Variants in PTPRC observed in about 807,000 individuals in gnomAD.
PTPRC encodes protein tyrosine phosphatase receptor type C, also known as receptor-type tyrosine-protein phosphatase C.
Under a neutral mutation model 155.9 loss-of-function variants are expected in PTPRC, and 44 were observed. The ratio of observed to expected loss-of-function variants is 0.28; its 90% CI spans 0.22 to 0.36. The LOEUF (loss-of-function observed/expected upper bound fraction) is 0.36, where lower values mean the gene tolerates loss of function less well. Among genes scored for constraint, PTPRC ranks in the 10% least tolerant of loss-of-function variants. The pLI is 1.00. For synonymous variants in PTPRC, 525 were observed against 533.1 expected, an observed-to-expected ratio of 0.98 and a Z score of 0.21; for missense variants, 1,401 against 1,564.6, an observed-to-expected ratio of 0.90 and a Z score of 1.76.
At position 198,709,833 on chromosome 1, in the gene PTPRC, G is replaced by A; in HGVS notation, c.1171+9G>A. 3 of 1,609,840 alleles carry A rather than the reference G, an allele frequency of 1.9e-6. No homozygotes were observed. Among genetic ancestry groups the A allele is most frequent in the South Asian group, 1.1e-5 (1 of 90,406 alleles). On this transcript the variant is annotated intron_variant, in intron 11 of 32. Coordinates refer to ENST00000442510, the MANE Select transcript of PTPRC (RefSeq NM_002838.5). ...TAAAACAGATTTTGGGAGTGAGTAT[G>A]TTACTTGCATTTATATGTAAAATTG...
At chr1:198,709,527 G>A (rs984746674) in intron 10 of PTPRC, among the ~76,000 whole-genome samples, 160 bp from the exon 11 acceptor site, 1 of 151,892 alleles carries the variant, frequency 6.6e-6, no homozygotes, top group Non-Finnish European at 1.5e-5. Flanking sequence ...AAAGTTGAAT[G>A]TAAAAATTAT....
rs752408704 is a variant in PTPRC at position 198,699,678 on chromosome 1, C to T, written c.413C>T (p.Pro138Leu). The T allele has an allele frequency of 3.5e-5, 57 of 1,614,072 alleles. No homozygotes were observed. Among genetic ancestry groups the T allele is most frequent in the Admixed American group, 5.0e-5 (3 of 59,966 alleles). ...SGSAANAKLN[P>L]TPGSNAISDV... ...TCCGCCGCCAATGCAAAACTCAACC[C>T]TACCCCAGGCAGCAATGCTATCTCA... Residue 138 changes from proline (P) to leucine (L), a missense_variant, in exon 5 of 33, where the codon CCT becomes CTT. Physicochemically the swap from Pro to Leu is moderately conservative, Grantham distance 98. This residue lies in a region of PTPRC where 867 missense variants were observed against 970.4 expected (regional missense o/e 0.89). Transcript: ENST00000442510.
In PTPRC at chr1:198,754,233, A is replaced by C. The variant is rs1310223265; in HGVS notation, c.3510-36A>C. 7.6e-6 allele frequency: 12 copies of C among 1,580,494 alleles called. No individual in the cohort carries two copies. The East Asian group carries it at 2.0e-4, about 27-fold the overall frequency. ...TCTAATATCACCCTTTTTGGTGAGA[A>C]GTAGGATTATTTTCTATCTTTTCTT... On this transcript the variant is annotated intron_variant, in intron 31 of 32. Transcript: ENST00000442510.
intron 13 of PTPRC, among the ~76,000 whole-genome samples, chr1:198,717,346 A>G (rs897855418): frequency 6.6e-6 from 1 of 152,180 alleles, no homozygotes; most frequent in Admixed American, 6.5e-5. Context: ...GTTTCCTTTC[A>G]ATGGCATTTG....
In PTPRC at chr1:198,727,619, G is replaced by A. The variant is rs903783047; in HGVS notation, c.1721-721G>A. On this transcript the variant is annotated intron_variant, in intron 15 of 32. Coordinates refer to ENST00000442510, the MANE Select transcript of PTPRC (RefSeq NM_002838.5). ...AAGTTCCCAACTAAGAAGTGGTAGA[G>A]CTAGGATTGGAAGCTAAGCAGTCGG... Among the ~76,000 whole-genome samples the A allele has an allele frequency of 2.6e-5, 4 of 152,138 alleles. 1 individual carries two copies. The highest frequency in any genetic ancestry group is 2.0e-4 in the Admixed American group (3 of 15,270).
In PTPRC at chr1:198,699,610, G is replaced by T. The variant is rs561773370; in HGVS notation, c.345G>T (p.Ser115=). Residue 115 remains serine, a synonymous_variant, in exon 5 of 33, where the codon TCG becomes TCT. Coordinates refer to ENST00000442510, the MANE Select transcript of PTPRC (RefSeq NM_002838.5). ...QTPHLPTHAD[S]QTPSAGTDTQ... ...CTCACCTTCCCACGCACGCAGACTC[G>T]CAGACGCCCTCTGCTGGAACTGACA... 9.9e-6 allele frequency: 16 copies of T among 1,614,112 alleles called. No individual in the cohort carries two copies. Among genetic ancestry groups the T allele is most frequent in the Admixed American group, 1.7e-5 (1 of 60,016 alleles).
chr1:198,715,385 C>G (rs941790480), intron 12 of PTPRC, among the ~76,000 whole-genome samples: 9 of 152,054 alleles, frequency 5.9e-5, no homozygotes, highest in Non-Finnish European at 2.9e-5. Flanking sequence ...CCGCCTCGGC[C>G]TCCCAAAGTG....
chr1:198,692,304 G>A (rs1158040948), intron 2 of PTPRC, 43 bp from the exon 3 acceptor site: 3 of 1,440,542 alleles, frequency 2.1e-6, no homozygotes, highest in Non-Finnish European at 1.9e-6. Context: ...TAATATGAAT[G>A]AAATTTGAAA....
rs1183268927 is a variant in PTPRC, at chr1:198,641,628, G to A, written c.73+2287G>A. Among the ~76,000 whole-genome samples, 6 of 151,982 alleles carry A rather than the reference G, an allele frequency of 3.9e-5. No individual in the cohort carries two copies. In the South Asian group the frequency reaches 8.3e-4, roughly 21 times the overall value. ...CTGTGCCTCTTTGCCATGGCAACTGGAAGCCAAACTTTGTTTAGAATTTCT... is the reference window on the plus strand; with the variant it reads ...CTGTGCCTCTTTGCCATGGCAACTGAAAGCCAAACTTTGTTTAGAATTTCT... On this transcript the variant is annotated intron_variant, in intron 2 of 32. Coordinates refer to ENST00000442510, the MANE Select transcript of PTPRC (RefSeq NM_002838.5).
At chr1:198,751,884 T>C (rs1655400325) in intron 29 of PTPRC, among the ~76,000 whole-genome samples, 1 of 151,938 alleles carries the variant, frequency 6.6e-6, no homozygotes, top group African/African-American at 2.4e-5. Context: ...ATTGAAAGGG[T>C]CATGAATAAC....
chr1:198,659,423 T>C (rs1181431720), intron 2 of PTPRC, among the ~76,000 whole-genome samples: 3 of 152,152 alleles, frequency 2.0e-5, no homozygotes, highest in African/African-American at 4.8e-5. Flanking sequence ...GTAGGCCCCA[T>C]GCAGTGGAGG....
At chr1:198,687,241 C>T (rs1479987715) in intron 2 of PTPRC, among the ~76,000 whole-genome samples, 3 of 152,180 alleles carry the variant, frequency 2.0e-5, no homozygotes, top group African/African-American at 7.2e-5. Flanking sequence ...CTGCCTCTCC[C>T]TCCCAAAGTT....
rs1183472769 is a variant in PTPRC, at chr1:198,752,312, A to C, written c.3271A>C (p.Lys1091Gln). 1 of 1,612,424 alleles carries C rather than the reference A, an allele frequency of 6.2e-7. No individual in the cohort carries two copies. The highest frequency in any genetic ancestry group is 8.5e-7 in the Non-Finnish European group (1 of 1,178,926). The change falls in exon 30 of 33, where the codon AAA (lysine) becomes CAA (glutamine). Residue 1091 changes from lysine (K) to glutamine (Q), a missense_variant. Physicochemically the swap from Lys to Gln is moderately conservative, Grantham distance 53. Coordinates refer to ENST00000442510, the MANE Select transcript of PTPRC (RefSeq NM_002838.5). ...ATATGGAGATATTGAAGTTGACCTG[A>C]AAGACACAGACAAATCTTCAACTTA... ...QTYGDIEVDL[K>Q]DTDKSSTYTL... is the part of the protein sequence containing the mutation.
chr1:198,679,972 G>T, intron 2 of PTPRC: 1 of 624,108 alleles, frequency 1.6e-6, no homozygotes, highest in Non-Finnish European at 2.9e-6. Context: ...GACATGCAGC[G>T]AGTGCTGCGG....
chr1:198,734,169 A>T, intron 20 of PTPRC, 27 bp from the exon 21 acceptor site: 1 of 1,604,062 alleles, frequency 6.2e-7, no homozygotes, highest in Non-Finnish European at 8.5e-7. Flanking sequence ...TCAGCAAATG[A>T]CATATCTCTG....
At chr1:198,645,552 A>C (rs1662895715) in intron 2 of PTPRC, among the ~76,000 whole-genome samples, 2 of 151,714 alleles carry the variant, frequency 1.3e-5, no homozygotes, top group African/African-American at 4.8e-5. Context: ...AAGTGTTGTA[A>C]GCATTAAAAG....
At chr1:198,663,090 A>T (rs1398379427) in intron 2 of PTPRC, among the ~76,000 whole-genome samples, 2 of 152,206 alleles carry the variant, frequency 1.3e-5, no homozygotes, top group Admixed American at 1.3e-4. Flanking sequence ...ATTTCTGACG[A>T]GTCTATGATT....
intron 15 of PTPRC, among the ~76,000 whole-genome samples, chr1:198,722,781 AT>A (rs961629366): frequency 6.6e-6 from 1 of 151,648 alleles, no homozygotes; most frequent in Non-Finnish European, 1.5e-5. Context: ...TGTTAGTAAC[AT>A]TTTTCGTGTA....
chr1:198,695,567 C>T (rs1666163938), intron 3 of PTPRC, among the ~76,000 whole-genome samples: 1 of 150,266 alleles, frequency 6.7e-6, no homozygotes, highest in Non-Finnish European at 1.5e-5. Flanking sequence ...ATTAAAAAAA[C>T]TTTAAAGGAC....
Sources: gnomAD v4.1 joint callset for allele counts (sites outside exome capture counted in the v4.1 genomes callset) on GRCh38, gnomAD v4.1.1 for gene constraint, gnomAD v4.1.1 regional missense constraint, MANE v1.5 for transcripts, NCBI Gene and HGNC (gene_info 2026-07-23, HGNC 2026-07-21) for gene names.